EYS: variants seen among roughly 807,000 people sequenced by gnomAD.
The protein encoded by EYS is EGF-like photoreceptor maintenance factor, also known as protein eyes shut homolog.
EYS carries 250 observed loss-of-function variants against 282.1 expected under a neutral mutation model. That is an observed-to-expected ratio of 0.89 (90% confidence interval 0.80 to 0.98). The LOEUF (loss-of-function observed/expected upper bound fraction) is 0.98, where lower values mean the gene tolerates loss of function less well. Ranked by LOEUF, EYS falls within the 50% of genes least tolerant of loss-of-function variation. EYS has a pLI of 0.00. For missense variants in EYS, 4,016 were observed against 3,709.0 expected (o/e 1.08, Z -2.15); for synonymous variants, 1,355 against 1,282.9 (o/e 1.06, Z -1.20).
At chr6:64,057,226 A>G (rs1420091918) in intron 33 of EYS, among the ~76,000 whole-genome samples, 1 of 151,374 alleles carries the variant, frequency 6.6e-6, no homozygotes, top group Non-Finnish European at 1.5e-5. Flanking sequence ...CTCTTAACTG[A>G]ATAGTGTTGG....
At chr6:65,034,888 T>C (rs1002112188) in intron 13 of EYS, among the ~76,000 whole-genome samples, 10 of 151,998 alleles carry the variant, frequency 6.6e-5, no homozygotes, top group Non-Finnish European at 1.2e-4. Flanking sequence ...CCTTTACCGA[T>C]ACCTCACAAA....
rs541715183 is a variant in EYS, at chr6:63,869,808, G to A, written c.7056-5450C>T. Reference sequence around the variant, plus strand: ...ATCTGGTACAAAGAGAAGTGGGTTGGGAAAGAAGGATAAGGTGTAGGGTAT... The same window carrying A: ...ATCTGGTACAAAGAGAAGTGGGTTGAGAAAGAAGGATAAGGTGTAGGGTAT... On this transcript the variant is annotated intron_variant, in intron 35 of 42. Transcript: ENST00000503581. Among the ~76,000 whole-genome samples the A allele has an allele frequency of 1.2e-4, 19 of 152,066 alleles. No homozygotes were observed. In the South Asian group the frequency reaches 3.9e-3, roughly 32 times the overall value.
At chr6:64,828,778 A>G (rs1182571467) in intron 19 of EYS, among the ~76,000 whole-genome samples, 1 of 151,986 alleles carries the variant, frequency 6.6e-6, no homozygotes, top group Non-Finnish European at 1.5e-5. Context: ...TTCTTTCGCA[A>G]CAGAAGCTCA....
At chr6:63,779,741 C>CTTT (rs148280923) in intron 39 of EYS, among the ~76,000 whole-genome samples, 2 of 133,950 alleles carry the variant, frequency 1.5e-5, no homozygotes, top group Non-Finnish European at 1.6e-5. Context: ...AAAAAGCTTT[C>CTTT]TTTTTCTTTT....
At chr6:64,755,057 G>C (rs182190133) in intron 22 of EYS, among the ~76,000 whole-genome samples, 1 of 152,010 alleles carries the variant, frequency 6.6e-6, no homozygotes, top group Non-Finnish European at 1.5e-5. Context: ...GATTACTCCC[G>C]AAGACTCCTA....
At chr6:65,089,942 G>GC (rs1449664596) in intron 12 of EYS, among the ~76,000 whole-genome samples, 1 of 55,232 alleles carries the variant, frequency 1.8e-5, no homozygotes, top group Non-Finnish European at 3.5e-5. Context: ...GGGCAAGAAA[G>GC]CAAAAAAAAA....
intron 29 of EYS, 104 bp downstream of exon 29, chr6:64,388,586 C>T: frequency 2.6e-6 from 3 of 1,139,876 alleles, no homozygotes; most frequent in Non-Finnish European, 3.5e-6. Context: ...GATGGCCCCA[C>T]TAGCCAGAAA....
intron 26 of EYS, among the ~76,000 whole-genome samples, chr6:64,568,971 C>T (rs1033813883): frequency 7.3e-6 from 1 of 137,606 alleles, no homozygotes; most frequent in Non-Finnish European, 1.5e-5. Context: ...GAAACCCCAT[C>T]CAAAGGTCAC....
chr6:63,937,345 C>CTTTT lies in EYS; in HGVS notation c.7055+47034_7055+47037dup, dbSNP rs778809745. On this transcript the variant is annotated intron_variant, in intron 35 of 42. Transcript: ENST00000503581. ...CAAATTTTCTAGGCTTCTCTCTTTT[C>CTTTT]TTTTTTTTTTTTTTTTTTTTTTTTT... Among the ~76,000 whole-genome samples, 118 of 54,370 alleles carry CTTTT rather than the reference C, an allele frequency of 2.2e-3. 9 individuals carry two copies. The highest frequency in any genetic ancestry group is 2.7e-3 in the Non-Finnish European group (77 of 28,350). The allele number at this position is 54,370 out of a possible 152,430, so 35.7% of individuals were successfully genotyped here. A position where few individuals can be genotyped will look rare whatever the true frequency, so the allele number is the denominator to read the frequency against.
At chr6:63,762,777 A>C (rs992793309) in intron 40 of EYS, 144 bp from the exon 41 acceptor site, 28 of 769,782 alleles carry the variant, frequency 3.6e-5, no homozygotes, top group Non-Finnish European at 2.0e-6. Flanking sequence ...TAAATTGTCA[A>C]AGGAAAGAGT....
intron 40 of EYS, chr6:63,777,534 A>G (rs1246577525): frequency 6.5e-6 from 1 of 153,482 alleles, no homozygotes; most frequent in Non-Finnish European, 1.5e-5. Flanking sequence ...CAAAAGGAGT[A>G]ATTAATATAA....
intron 2 of EYS, among the ~76,000 whole-genome samples, chr6:65,629,927 G>A (rs1766854729): frequency 1.3e-5 from 2 of 152,130 alleles, no homozygotes; most frequent in Non-Finnish European, 2.9e-5. Context: ...CTCCAGAGAA[G>A]ACAAATTCTC....
At chr6:65,250,757 T>G (rs189453805) in intron 12 of EYS, among the ~76,000 whole-genome samples, 2 of 151,574 alleles carry the variant, frequency 1.3e-5, no homozygotes, top group Non-Finnish European at 2.9e-5. Flanking sequence ...AAATAAGAGA[T>G]AGATATTTTA....
intron 12 of EYS, among the ~76,000 whole-genome samples, chr6:65,185,053 T>C (rs1325738555): frequency 6.6e-6 from 1 of 151,518 alleles, no homozygotes; most frequent in South Asian, 2.1e-4. Flanking sequence ...AAAAACTATA[T>C]GTGTGATTGA....
intron 22 of EYS, among the ~76,000 whole-genome samples, chr6:64,774,433 G>T (rs545751598): frequency 3.9e-5 from 6 of 152,010 alleles, no homozygotes; most frequent in African/African-American, 1.4e-4. Context: ...CCTGCAGAGG[G>T]AAGGGAAAGC....
chr6:64,970,869 T>C (rs1770269367), intron 14 of EYS, among the ~76,000 whole-genome samples: 1 of 152,110 alleles, frequency 6.6e-6, no homozygotes, highest in Admixed American at 6.5e-5. Context: ...CTAAGAACCA[T>C]TGTGATAAAG....
intron 12 of EYS, among the ~76,000 whole-genome samples, chr6:65,179,903 T>C (rs1352458872): frequency 2.0e-5 from 3 of 152,032 alleles, no homozygotes; most frequent in African/African-American, 4.8e-5. Flanking sequence ...TGGTTCAACA[T>C]ACGCAAATCA....
intron 2 of EYS, among the ~76,000 whole-genome samples, chr6:65,552,426 T>A (rs1768628336): frequency 6.6e-6 from 1 of 152,182 alleles, no homozygotes; most frequent in South Asian, 2.1e-4. Context: ...CTTGTAATCA[T>A]TATACTTAAC....
At position 64,273,670 on chromosome 6, in the gene EYS, A is replaced by G. The variant is rs1290020030; in HGVS notation, c.6191+33300T>C. 2.0e-5 allele frequency among the ~76,000 whole-genome samples: 3 copies of G among 152,082 alleles called. No individual in the cohort carries two copies. The East Asian group carries it at 5.8e-4, about 29-fold the overall frequency. On this transcript the variant is annotated intron_variant, in intron 30 of 42. Transcript: ENST00000503581. ...AAATACTAATAGTCTCACAGATACT[A>G]GATTATATTTCAGTGCATTACCAGT...
Sources: allele counts gnomAD v4.1 joint callset (sites outside exome capture counted in the v4.1 genomes callset), GRCh38; gene constraint gnomAD v4.1.1; transcripts MANE v1.5; gene names NCBI Gene and HGNC (gene_info 2026-07-23, HGNC 2026-07-21).